Variants in NEDD9 observed in about 807,000 individuals in gnomAD.
The protein encoded by NEDD9 is enhancer of filamentation 1.
NEDD9 carries 26 observed loss-of-function variants against 76.6 expected under a neutral mutation model. The observed-to-expected ratio is 0.34, with a 90% CI of 0.25 to 0.47. The LOEUF is 0.47. NEDD9 is among the 20% of genes least tolerant of loss of function. The pLI, the probability that NEDD9 is intolerant of heterozygous loss-of-function variation, is 1.00. For synonymous variants in NEDD9, 392 were observed against 414.2 expected, an observed-to-expected ratio of 0.95 and a Z score of 0.65; for missense variants, 937 against 1,058.5, an observed-to-expected ratio of 0.89 and a Z score of 1.59.
At chr6:11,339,097 C>T (rs1000877951) in intron 1 of NEDD9, among the ~76,000 whole-genome samples, 1 of 152,058 alleles carries the variant, frequency 6.6e-6, no homozygotes, top group Non-Finnish European at 1.5e-5. Context: ...CCCAGCTACC[C>T]AATTTCCCTC....
chr6:11,248,602 C>T (rs1759854815), intron 3 of NEDD9, among the ~76,000 whole-genome samples: 1 of 152,212 alleles, frequency 6.6e-6, no homozygotes, highest in Non-Finnish European at 1.5e-5. Context: ...GGCTGTTCTG[C>T]TGGCTGCTCA....
At chr6:11,230,039 A>G (rs1759424218) in intron 1 of NEDD9, among the ~76,000 whole-genome samples, 1 of 152,260 alleles carries the variant, frequency 6.6e-6, no homozygotes, top group South Asian at 2.1e-4. Flanking sequence ...TTTACAGTGC[A>G]TAGAGCAACG....
chr6:11,221,390 A>G (rs1036153181), intron 1 of NEDD9, among the ~76,000 whole-genome samples: 1 of 151,704 alleles, frequency 6.6e-6, no homozygotes, highest in African/African-American at 2.4e-5. Context: ...CATAAAAAAA[A>G]AAAAAGAAAA....
chr6:11,292,180 T>C (rs1370122153), intron 3 of NEDD9, among the ~76,000 whole-genome samples: 1 of 152,158 alleles, frequency 6.6e-6, no homozygotes, highest in Non-Finnish European at 1.5e-5. Context: ...TATTTTAGAA[T>C]AAGTGAGGCC....
upstream of NEDD9, among the ~76,000 whole-genome samples, chr6:11,235,471 A>G (rs1232701046): frequency 6.6e-6 from 1 of 152,228 alleles, no homozygotes; most frequent in Non-Finnish European, 1.5e-5. This position sits in a 1 kb window ranked among gnomAD's most constrained non-coding sequence, Gnocchi z 4.1. Flanking sequence ...CAAAGTTCCC[A>G]TCTTCATGGA....
intron 3 of NEDD9, among the ~76,000 whole-genome samples, chr6:11,295,276 T>G (rs1277597621): frequency 6.6e-6 from 1 of 152,218 alleles, no homozygotes; most frequent in Non-Finnish European, 1.5e-5. Context: ...CAGATTATGT[T>G]TTATTGTTAT....
rs181958536 is a variant in NEDD9 at position 11,292,781 on chromosome 6, C to G, written c.12+13211G>C. Reference sequence around the variant, plus strand: ...GATGTGCAGATGTACATCCACAGAACTCATGACAAGGAGGGAGGTGCAAAT... The same window carrying G: ...GATGTGCAGATGTACATCCACAGAAGTCATGACAAGGAGGGAGGTGCAAAT... On this transcript the variant is annotated intron_variant, in intron 3 of 3. Coordinates refer to the NEDD9 transcript ENST00000397378. Among the ~76,000 whole-genome samples, 26 of 152,292 alleles carry G rather than the reference C, an allele frequency of 1.7e-4. No homozygotes were observed. In the East Asian group the frequency reaches 4.2e-3, roughly 25 times the overall value.
At chr6:11,308,998 T>A (rs1467609453) in intron 2 of NEDD9, among the ~76,000 whole-genome samples, 2 of 152,258 alleles carry the variant, frequency 1.3e-5, no homozygotes, top group African/African-American at 4.8e-5. Context: ...AATTACTGAA[T>A]GTGCCAGTTG....
chr6:11,242,624 C>G (rs1759731267), intron 3 of NEDD9, among the ~76,000 whole-genome samples: 1 of 151,904 alleles, frequency 6.6e-6, no homozygotes, highest in African/African-American at 2.4e-5. Context: ...TTTATCCAGA[C>G]AGCTCTGTGC....
intron 2 of NEDD9, among the ~76,000 whole-genome samples, chr6:11,195,523 C>T (rs74845180): frequency 0.056 from 8,528 of 151,962 alleles, 549 homozygotes; most frequent in Admixed American, 0.19. Context: ...TCTATTTCAT[C>T]AGCCCCTCTA....
At chr6:11,361,671 C>A (rs1421724131) in intron 1 of NEDD9, among the ~76,000 whole-genome samples, 1 of 152,128 alleles carries the variant, frequency 6.6e-6, no homozygotes, top group East Asian at 1.9e-4. Context: ...CTATTCACAG[C>A]AGATGGTTAG....
intron 3 of NEDD9, among the ~76,000 whole-genome samples, chr6:11,289,305 T>C (rs1325198425): frequency 6.6e-6 from 1 of 152,214 alleles, no homozygotes; most frequent in Non-Finnish European, 1.5e-5. Context: ...GTGATTATAT[T>C]TTGGGAAAAG....
At position 11,255,884 on chromosome 6, in the gene NEDD9, G is replaced by A. The variant is rs1759994617; in HGVS notation, c.13-42157C>T. 4.6e-5 allele frequency among the ~76,000 whole-genome samples: 7 copies of A among 152,254 alleles called. No individual in the cohort carries two copies. The South Asian group carries it at 1.2e-3, about 27-fold the overall frequency. Reference sequence around the variant, plus strand: ...AGAGAGCTATAAGGAAACTGGTTAGGAGGCTACTGCAGAAATTTGGGCAGA... The same window carrying A: ...AGAGAGCTATAAGGAAACTGGTTAGAAGGCTACTGCAGAAATTTGGGCAGA... On this transcript the variant is annotated intron_variant, in intron 3 of 3. Transcript: ENST00000397378.
chr6:11,304,815 G>A (rs1761138051), intron 3 of NEDD9, among the ~76,000 whole-genome samples: 1 of 152,158 alleles, frequency 6.6e-6, no homozygotes, highest in Non-Finnish European at 1.5e-5. Flanking sequence ...AGTGGGTGGG[G>A]GCCTGGGGGA....
intron 2 of NEDD9, among the ~76,000 whole-genome samples, chr6:11,209,907 G>A (rs1030020768): frequency 1.3e-5 from 2 of 151,494 alleles, no homozygotes; most frequent in African/African-American, 4.8e-5. Context: ...ATGCAAGAGG[G>A]TGGGTAGAGG....
chr6:11,188,528 G>A (rs970782275), intron 5 of NEDD9, among the ~76,000 whole-genome samples: 3 of 151,306 alleles, frequency 2.0e-5, no homozygotes, highest in South Asian at 4.2e-4. Context: ...TAAAATTTTC[G>A]GAGAGCTACT....
chr6:11,257,085 G>T (rs936897811), intron 3 of NEDD9, among the ~76,000 whole-genome samples: 1 of 152,150 alleles, frequency 6.6e-6, no homozygotes, highest in African/African-American at 2.4e-5. Flanking sequence ...TTGGACTCTT[G>T]GTCCCAGACC....
intron 3 of NEDD9, among the ~76,000 whole-genome samples, chr6:11,257,002 A>C (rs1251772471): frequency 2.6e-5 from 4 of 152,218 alleles, no homozygotes; most frequent in Non-Finnish European, 5.9e-5. Flanking sequence ...GAATGCCAGA[A>C]AACAGGGTAA....
At chr6:11,222,803 G>T (rs1157874102) in intron 1 of NEDD9, among the ~76,000 whole-genome samples, 3 of 152,250 alleles carry the variant, frequency 2.0e-5, no homozygotes, top group Admixed American at 2.0e-4. Flanking sequence ...GTAAGAGGAA[G>T]TTGCTTTTTG....
Sources: allele counts gnomAD v4.1 joint callset (sites outside exome capture counted in the v4.1 genomes callset), GRCh38; gene constraint gnomAD v4.1.1; non-coding constraint Gnocchi (gnomAD v3.1); transcripts MANE v1.5; gene names NCBI Gene and HGNC (gene_info 2026-07-23, HGNC 2026-07-21).